Variants in CTNNAL1 observed in about 807,000 individuals in gnomAD.
CTNNAL1 encodes catenin alpha like 1, also known as alpha-catulin.
CTNNAL1 carries 69 observed loss-of-function variants against 93.6 expected under a neutral mutation model. That is an observed-to-expected ratio of 0.74 (90% CI 0.61 to 0.90). The LOEUF (loss-of-function observed/expected upper bound fraction) is 0.90, where lower values mean the gene tolerates loss of function less well. Among genes scored for constraint, CTNNAL1 ranks in the 40% least tolerant of loss-of-function variants. The probability of loss-of-function intolerance (pLI) is 0.00; values close to 1 mark genes in which losing one functional copy is unlikely to be tolerated. For missense variants in CTNNAL1, 836 were observed against 862.0 expected, an observed-to-expected ratio of 0.97 and a Z score of 0.38; for synonymous variants, 286 against 305.4, an observed-to-expected ratio of 0.94 and a Z score of 0.66.
At chr9:108,993,120 C>T (rs1831875982) in intron 2 of CTNNAL1, among the ~76,000 whole-genome samples, 1 of 152,162 alleles carries the variant, frequency 6.6e-6, no homozygotes, top group Non-Finnish European at 1.5e-5. Flanking sequence ...TCCTGCCCTA[C>T]AAGACAGTAA....
chr9:108,976,604 C>T (rs1453549965), intron 8 of CTNNAL1, among the ~76,000 whole-genome samples: 4 of 152,082 alleles, frequency 2.6e-5, no homozygotes, highest in African/African-American at 4.8e-5. Context: ...GATCATGGCT[C>T]ACTGCAGCCT....
intron 15 of CTNNAL1, among the ~76,000 whole-genome samples, chr9:108,945,767 G>A (rs1830387308): frequency 6.6e-6 from 1 of 152,058 alleles, no homozygotes; most frequent in Non-Finnish European, 1.5e-5. Flanking sequence ...GAGCCATTGT[G>A]CCCAGACTGT....
intron 12 of CTNNAL1, among the ~76,000 whole-genome samples, chr9:108,954,498 C>A (rs1830642413): frequency 6.6e-6 from 1 of 152,178 alleles, no homozygotes; most frequent in South Asian, 2.1e-4. Context: ...ATAGCACTTA[C>A]AAAAACAGTG....
rs147680284 is a variant in CTNNAL1 at position 108,999,213 on chromosome 9, T to C, written c.185A>G (p.Asp62Gly). ...ACGCTGAATTGCTTGCAGAGTTTTATCAGACTTTTTGGTATTATCTTTATG... is the reference window on the plus strand; with the variant it reads ...ACGCTGAATTGCTTGCAGAGTTTTACCAGACTTTTTGGTATTATCTTTATG... ...INHKDNTKKS[D>G]KTLQAIQRVG... The change falls in exon 2 of 19, where the codon GAT becomes GGT. Residue 62 changes from aspartate to glycine, a missense_variant. Asp to Gly is a moderately conservative substitution (Grantham distance 94). Coordinates refer to ENST00000325551, the MANE Select transcript of CTNNAL1 (RefSeq NM_003798.4). 5.6e-6 allele frequency: 9 copies of C among 1,610,838 alleles called. No homozygotes were observed. The African/African-American group carries it at 8.0e-5, about 14-fold the overall frequency.
rs201746631 is a variant in CTNNAL1 at position 108,999,171 on chromosome 9, T to C, written c.227A>G (p.Asn76Ser). 5.6e-6 allele frequency: 9 copies of C among 1,613,802 alleles called. No individual in the cohort carries two copies. The highest frequency in any genetic ancestry group is 7.6e-6 in the Non-Finnish European group (9 of 1,179,912). ...TTTAACAAATCTTCCAACTGCCAAG[T>C]TGACAGCTTGTCCTACACGCTGAAT... ...QAIQRVGQAV[N>S]LAVGRFVKVG... Residue 76 changes from asparagine (N) to serine (S), a missense_variant, in exon 2 of 19, where the codon AAC becomes AGC. Asn to Ser is a conservative substitution (Grantham distance 46). Transcript: ENST00000325551.
intron 14 of CTNNAL1, among the ~76,000 whole-genome samples, chr9:108,951,178 C>CTT (rs75266025): frequency 7.4e-4 from 101 of 137,214 alleles, no homozygotes; most frequent in African/African-American, 2.5e-3. Context: ...GCCCGGCTAA[C>CTT]TTTTTTTTTT....
intron 10 of CTNNAL1, among the ~76,000 whole-genome samples, chr9:108,968,555 A>G (rs1261050555): frequency 6.6e-5 from 10 of 152,258 alleles, no homozygotes; most frequent in African/African-American, 2.4e-4. Context: ...CCAAGGCAAG[A>G]AAAGTGACTC....
At chr9:108,948,090 C>T in intron 15 of CTNNAL1, 96 bp downstream of exon 15, 1 of 1,338,968 alleles carries the variant, frequency 7.5e-7, no homozygotes, top group Non-Finnish European at 1.1e-6. Flanking sequence ...CAGATGTAAG[C>T]ATATACACAT....
In CTNNAL1 at chr9:108,990,758, C is replaced by T. The variant is rs28361118; in HGVS notation, c.607G>A (p.Glu203Lys). 4.8e-3 allele frequency: 7,727 copies of T among 1,613,550 alleles called. 365 individuals are homozygous for T. The South Asian group carries it at 0.079, about 16-fold the overall frequency. ...CTATCTCCACTCAGATGTGCAAACT[C>T]CACCATTTCATTTCCAAATTGACTG... is the stretch of plus-strand genomic sequence containing the variant. ...IFSQFGNEMV[E>K]FAHLSGDRQN... Residue 203 changes from glutamate to lysine, a missense_variant, in exon 4 of 19, where the codon GAG becomes AAG. Glu to Lys is a moderately conservative substitution (Grantham distance 56, BLOSUM62 1). Coordinates refer to ENST00000325551, the MANE Select transcript of CTNNAL1 (RefSeq NM_003798.4).
intron 4 of CTNNAL1, among the ~76,000 whole-genome samples, chr9:108,987,169 G>A (rs1445641391): frequency 3.9e-5 from 6 of 152,000 alleles, no homozygotes; most frequent in Non-Finnish European, 8.8e-5. Flanking sequence ...TAGGTCTAAC[G>A]TTTAAGTCTT....
chr9:108,994,131 C>A (rs1831921458), intron 2 of CTNNAL1, among the ~76,000 whole-genome samples: 1 of 152,024 alleles, frequency 6.6e-6, no homozygotes, highest in Non-Finnish European at 1.5e-5. Context: ...ACTCAGGAGG[C>A]TGAGGCAGAG....
intron 8 of CTNNAL1, among the ~76,000 whole-genome samples, chr9:108,973,680 C>CT (rs11330919): frequency 0.016 from 1,755 of 111,152 alleles, 36 homozygotes; most frequent in African/African-American, 0.049. Context: ...CTTATCTTGC[C>CT]TTTTTTTTTT....
chr9:108,994,001 G>A (rs368958093), intron 2 of CTNNAL1, among the ~76,000 whole-genome samples: 1 of 152,138 alleles, frequency 6.6e-6, no homozygotes, highest in African/African-American at 2.4e-5. Context: ...AGGCCGAGGC[G>A]GGTGGATCAC....
intron 8 of CTNNAL1, 76 bp downstream of exon 8, chr9:108,976,886 C>T: frequency 1.7e-6 from 1 of 584,536 alleles, no homozygotes; most frequent in African/African-American, 2.0e-5. Context: ...ACTAATAATA[C>T]TAATGTATTT....
rs187150818 is a variant in CTNNAL1, at chr9:108,986,176, C to T, written c.640-1740G>A. 2.7e-4 allele frequency among the ~76,000 whole-genome samples: 40 copies of T among 146,452 alleles called. 1 individual carries two copies. The highest frequency in any genetic ancestry group is 6.2e-4 in the East Asian group (3 of 4,876). On this transcript the variant is annotated intron_variant, in intron 4 of 18. Transcript: ENST00000325551. ...ATATCTCCTAATGCTATCCCTCCCC[C>T]CTCCCCGCACCCCACAACAGTCCCC...
chr9:108,972,864 G>GGGGGGGGGGGCGCCCCCCC, intron 8 of CTNNAL1, 31 bp from the exon 9 acceptor site: 4 of 142,580 alleles, frequency 2.8e-5, no homozygotes, highest in Non-Finnish European at 4.0e-5. Flanking sequence ...GGGGGGGTGG[G>GGGGGGGGGGGCGCCCCCCC]AGGGTGGAGA....
At position 108,943,946 on chromosome 9, in the gene CTNNAL1, G is replaced by C; in HGVS notation, c.1941+16C>G. ...ATAATACCACCACCAGCTCCAGGTA[G>C]GTAGACATGTGTTACCTGTTTTGAA... On this transcript the variant is annotated intron_variant, in intron 16 of 18. Transcript: ENST00000325551. The C allele has an allele frequency of 6.2e-7, 1 of 1,612,324 alleles. No individual in the cohort carries two copies. The highest frequency in any genetic ancestry group is 8.5e-7 in the Non-Finnish European group (1 of 1,179,166).
At position 109,013,371 on chromosome 9, in the gene CTNNAL1, G is replaced by GAAGCC; in HGVS notation, c.67_71dup (p.Phe24LeufsTer50). On this transcript the variant is annotated frameshift_variant, in exon 1 of 19. Coordinates refer to ENST00000325551, the MANE Select transcript of CTNNAL1 (RefSeq NM_003798.4). LOFTEE classifies it high-confidence loss of function. ...TGATCTCCAGTCCCGAGTCGAGGGC[G>GAAGCC]AAGCCCGAAGAGCCGGAGCCGTAGA... 6.6e-7 allele frequency: 1 copy of GAAGCC among 1,513,478 alleles called. No individual in the cohort carries two copies. The highest frequency in any genetic ancestry group is 8.8e-7 in the Non-Finnish European group (1 of 1,130,846). The allele number at this position is 1,513,478 out of a possible 1,614,324, so 93.8% of individuals were successfully genotyped here. A position where few individuals can be genotyped will look rare whatever the true frequency, so the allele number is the denominator to read the frequency against.
At position 108,979,401 on chromosome 9, in the gene CTNNAL1, C is replaced by T. The variant is rs1329237700; in HGVS notation, c.981G>A (p.Glu327=). 1.2e-6 allele frequency: 2 copies of T among 1,614,162 alleles called. No individual in the cohort carries two copies. The highest frequency in any genetic ancestry group is 1.3e-5 in the African/African-American group (1 of 75,030). The change falls in exon 7 of 19, where the codon GAG becomes GAA. Residue 327 remains glutamate, a synonymous_variant. Coordinates refer to ENST00000325551, the MANE Select transcript of CTNNAL1 (RefSeq NM_003798.4). ...CAGAATCAGTAAAGTCCTCCATACG[C>T]TCCAAGATGACTTCCAATGTCACAG... ...NLSVTLEVIL[E]RMEDFTDSAY...
Sources: allele counts gnomAD v4.1 joint callset (sites outside exome capture counted in the v4.1 genomes callset), GRCh38; gene constraint gnomAD v4.1.1; transcripts MANE v1.5; gene names NCBI Gene and HGNC (gene_info 2026-07-23, HGNC 2026-07-21).